Variants in FBXL7 observed in about 807,000 individuals in gnomAD.
FBXL7 encodes F-box and leucine rich repeat protein 7, also known as F-box/LRR-repeat protein 7.
FBXL7 carries 12 observed loss-of-function variants against 38.3 expected under a neutral mutation model. The observed-to-expected ratio is 0.31, with a 90% confidence interval of 0.20 to 0.51. The LOEUF (loss-of-function observed/expected upper bound fraction) is 0.51, where lower values mean the gene tolerates loss of function less well. Ranked by LOEUF, FBXL7 falls within the 20% of genes least tolerant of loss-of-function variation. The pLI is 0.98. For missense variants in FBXL7, 567 were observed against 676.4 expected (o/e 0.84, Z 1.79); for synonymous variants, 297 against 300.9 (o/e 0.99, Z 0.13).
intron 1 of FBXL7, among the ~76,000 whole-genome samples, chr5:15,557,954 T>G (rs761447732): frequency 9.9e-5 from 15 of 152,174 alleles, no homozygotes; most frequent in Non-Finnish European, 1.8e-4. Context: ...ATAGGCAAAT[T>G]CATAGAGACA....
intron 2 of FBXL7, among the ~76,000 whole-genome samples, chr5:15,878,606 C>T (rs969017476): frequency 1.3e-5 from 2 of 152,168 alleles, no homozygotes; most frequent in African/African-American, 4.8e-5. Flanking sequence ...CATGTATTTC[C>T]TACAGAAAAT....
At chr5:15,532,969 G>A (rs1737471789) in intron 1 of FBXL7, among the ~76,000 whole-genome samples, 1 of 152,210 alleles carries the variant, frequency 6.6e-6, no homozygotes, top group African/African-American at 2.4e-5. Flanking sequence ...ATGGTGAGTG[G>A]AGTTGCCAGC....
intron 1 of FBXL7, among the ~76,000 whole-genome samples, chr5:15,519,520 G>C (rs1473370607): frequency 1.3e-5 from 2 of 151,734 alleles, no homozygotes; most frequent in Non-Finnish European, 2.9e-5. Context: ...CCTGTCTGTG[G>C]CTCAAAGAAG....
intron 1 of FBXL7, among the ~76,000 whole-genome samples, chr5:15,572,777 G>A (rs939418697): frequency 6.6e-6 from 1 of 152,108 alleles, no homozygotes; most frequent in South Asian, 2.1e-4. Context: ...CCTATAGTCT[G>A]TCTTCTCCCT....
At chr5:15,581,598 C>A (rs972182) in intron 1 of FBXL7, among the ~76,000 whole-genome samples, 1 of 151,994 alleles carries the variant, frequency 6.6e-6, no homozygotes, top group African/African-American at 2.4e-5. Context: ...TGTCTTTGCT[C>A]TGGAAAGTTC....
chr5:15,834,534 T>G (rs1258040768), intron 2 of FBXL7, among the ~76,000 whole-genome samples: 1 of 152,186 alleles, frequency 6.6e-6, no homozygotes, highest in Admixed American at 6.5e-5. Context: ...CTTTCTTTTT[T>G]TCAGTGGATC....
At chr5:15,813,825 A>G (rs1016560650) in intron 2 of FBXL7, among the ~76,000 whole-genome samples, 15 of 152,372 alleles carry the variant, frequency 9.8e-5, no homozygotes, top group African/African-American at 3.6e-4. Flanking sequence ...ACATGAAAAA[A>G]AAGCTCATCA....
chr5:15,893,216 A>G (rs539430897), intron 2 of FBXL7, among the ~76,000 whole-genome samples: 23 of 152,260 alleles, frequency 1.5e-4, no homozygotes, highest in African/African-American at 5.1e-4. Flanking sequence ...TCTGACCCCA[A>G]TCAGTCTCTC....
intron 2 of FBXL7, among the ~76,000 whole-genome samples, chr5:15,622,448 G>C (rs76005546): frequency 6.6e-6 from 1 of 151,950 alleles, no homozygotes; most frequent in Non-Finnish European, 1.5e-5. Context: ...CTCCCCACCC[G>C]ACACAGGCCC....
At chr5:15,564,491 C>A (rs879553633) in intron 1 of FBXL7, among the ~76,000 whole-genome samples, 1 of 151,254 alleles carries the variant, frequency 6.6e-6, no homozygotes, top group Non-Finnish European at 1.5e-5. Flanking sequence ...TGGCAGTGTT[C>A]ATGGGATTTA....
At chr5:15,541,047 G>A (rs1406961655) in intron 1 of FBXL7, among the ~76,000 whole-genome samples, 1 of 148,824 alleles carries the variant, frequency 6.7e-6, no homozygotes, top group Non-Finnish European at 1.5e-5. Context: ...TATATGTGTC[G>A]GAATGTGTGT....
chr5:15,791,685 C>T (rs566393774), intron 2 of FBXL7, among the ~76,000 whole-genome samples: 42 of 152,220 alleles, frequency 2.8e-4, no homozygotes, highest in Non-Finnish European at 3.5e-4. Flanking sequence ...TGGGAGAGGG[C>T]GGTCACTGTC....
chr5:15,747,616 T>G (rs146028768), intron 2 of FBXL7, among the ~76,000 whole-genome samples: 2 of 152,352 alleles, frequency 1.3e-5, no homozygotes, highest in Non-Finnish European at 2.9e-5. Context: ...GGAATATACT[T>G]GATTCTCAGC....
intron 1 of FBXL7, among the ~76,000 whole-genome samples, chr5:15,592,120 A>G (rs1399028914): frequency 1.3e-5 from 2 of 152,170 alleles, no homozygotes; most frequent in Non-Finnish European, 2.9e-5. Context: ...ACAAGTCTAC[A>G]TTGGACACCT....
At chr5:15,712,516 G>C (rs1445492516) in intron 2 of FBXL7, among the ~76,000 whole-genome samples, 1 of 152,050 alleles carries the variant, frequency 6.6e-6, no homozygotes, top group African/African-American at 2.4e-5. Flanking sequence ...TTGAAGTGTT[G>C]CATTAAAATA....
rs187384131 is a variant in FBXL7 at position 15,579,417 on chromosome 5, A to T, written c.38-36566A>T. On this transcript the variant is annotated intron_variant, in intron 1 of 3. Coordinates refer to ENST00000504595, the MANE Select transcript of FBXL7 (RefSeq NM_012304.5). The stretch of plus-strand genomic sequence containing the variant: ...AATTTGTCCATGAGTATGTGGCTTT[A>T]GAATATAGTCCATAATTCCTTATCC... 7.9e-3 allele frequency among the ~76,000 whole-genome samples: 1,200 copies of T among 152,334 alleles called. 49 individuals are homozygous for T. Among genetic ancestry groups the T allele is most frequent in the Admixed American group, 0.074 (1,128 of 15,298 alleles).
At chr5:15,712,790 G>T (rs538251336) in intron 2 of FBXL7, among the ~76,000 whole-genome samples, 3 of 152,276 alleles carry the variant, frequency 2.0e-5, no homozygotes, top group Admixed American at 2.0e-4. Flanking sequence ...CATGGGACAC[G>T]TGGAAGGACA....
chr5:15,541,441 G>GTATATATATATATATATA (rs35405191), intron 1 of FBXL7, among the ~76,000 whole-genome samples: 1 of 53,366 alleles, frequency 1.9e-5, no homozygotes, highest in African/African-American at 6.4e-5. Flanking sequence ...ATGTGTGTGT[G>GTATATATATATATATATA]TGTATATATA....
chr5:15,641,941 T>TTGTGTGTGTGTGTGTGTG (rs199980981), intron 2 of FBXL7, among the ~76,000 whole-genome samples: 1 of 141,522 alleles, frequency 7.1e-6, no homozygotes, highest in Non-Finnish European at 1.5e-5. Context: ...ACATAAAACC[T>TTGTGTGTGTGTGTGTGTG]TGTGTGTGTG....
Sources: gnomAD v4.1 joint callset for allele counts (sites outside exome capture counted in the v4.1 genomes callset) on GRCh38, gnomAD v4.1.1 for gene constraint, MANE v1.5 for transcripts, NCBI Gene and HGNC (gene_info 2026-07-23, HGNC 2026-07-21) for gene names.